The following CSMD3 variants were observed in gnomAD, a reference collection of about 807,000 sequenced individuals.
CSMD3 encodes the protein CUB and sushi domain-containing protein 3.
In CSMD3, 177 loss-of-function variants were observed where a neutral mutation model predicts 435.2. The observed-to-expected ratio is 0.41, with a 90% CI of 0.36 to 0.46. CSMD3 has a LOEUF of 0.46. Ranked by LOEUF, CSMD3 falls within the 20% of genes least tolerant of loss-of-function variation. CSMD3 has a pLI of 0.34. For missense variants in CSMD3, 4,265 were observed against 4,504.6 expected (o/e 0.95, Z 1.52); for synonymous variants, 1,656 against 1,520.5 (o/e 1.09, Z -2.07).
At chr8:112,821,018 G>GTA (rs2079515805) in intron 12 of CSMD3, among the ~76,000 whole-genome samples, 1 of 152,150 alleles carries the variant, frequency 6.6e-6, no homozygotes, top group Non-Finnish European at 1.5e-5. Flanking sequence ...ATTCCATGAT[G>GTA]TATATGTACC....
intron 25 of CSMD3, among the ~76,000 whole-genome samples, chr8:112,554,718 T>G (rs943708557): frequency 1.3e-5 from 2 of 151,952 alleles, no homozygotes; most frequent in Admixed American, 1.3e-4. Context: ...ATAAAACTTA[T>G]GTTTGCAGAA....
intron 7 of CSMD3, among the ~76,000 whole-genome samples, chr8:112,973,829 G>A (rs1031447003): frequency 4.6e-5 from 7 of 151,926 alleles, no homozygotes; most frequent in South Asian, 2.1e-4. Context: ...AGTTATTGAA[G>A]AAGAAACAGA....
intron 40 of CSMD3, among the ~76,000 whole-genome samples, chr8:112,346,938 T>C (rs753480395): frequency 3.3e-5 from 5 of 151,946 alleles, no homozygotes; most frequent in Non-Finnish European, 7.4e-5. Flanking sequence ...CCAGGCCTCC[T>C]ATCCTTTTCC....
chr8:113,410,874 C>A (rs1050308935), intron 1 of CSMD3, among the ~76,000 whole-genome samples: 1 of 133,560 alleles, frequency 7.5e-6, no homozygotes, highest in African/African-American at 2.9e-5. Flanking sequence ...TACTGTACTC[C>A]AGCCTTGTGA....
intron 1 of CSMD3, among the ~76,000 whole-genome samples, chr8:113,345,814 A>G (rs1176898770): frequency 6.6e-6 from 1 of 152,164 alleles, no homozygotes; most frequent in Non-Finnish European, 1.5e-5. Flanking sequence ...CATTGAGAGT[A>G]GTTGCCCAGG....
rs1016213305 is a variant in CSMD3 at position 112,917,166 on chromosome 8, C to T, written c.1633+4461G>A. Among the ~76,000 whole-genome samples, 21 of 151,892 alleles carry T rather than the reference C, an allele frequency of 1.4e-4. 1 individual carries two copies. Among genetic ancestry groups the T allele is most frequent in the African/African-American group, 4.8e-4 (20 of 41,410 alleles). ...TGGCAACAGCTGGAACAGATCCATT[C>T]AAAATTCGAACACTTTAGAGGCATT... On this transcript the variant is annotated intron_variant, in intron 10 of 70. Transcript: ENST00000297405.
intron 1 of CSMD3, among the ~76,000 whole-genome samples, chr8:113,369,506 T>C (rs1032373904): frequency 1.3e-5 from 2 of 151,932 alleles, no homozygotes; most frequent in African/African-American, 2.4e-5. Context: ...AGTTTCCTCA[T>C]AAAATTAAAA....
chr8:112,709,768 G>T (rs1465008539), intron 13 of CSMD3, among the ~76,000 whole-genome samples: 1 of 152,038 alleles, frequency 6.6e-6, no homozygotes, highest in Non-Finnish European at 1.5e-5. Context: ...AAGGGAAAGT[G>T]TAAGGGCAAG....
chr8:113,107,511 C>T (rs917442400), intron 4 of CSMD3, among the ~76,000 whole-genome samples: 1 of 152,204 alleles, frequency 6.6e-6, no homozygotes, highest in Non-Finnish European at 1.5e-5. Flanking sequence ...GTAGTTGACC[C>T]TGCAGAACCC....
Position 112,261,314 on chromosome 8 carries a change from T to C in CSMD3, c.9862+2325A>G, listed in dbSNP as rs145284684. Among the ~76,000 whole-genome samples the C allele has an allele frequency of 2.0e-5, 3 of 152,238 alleles. No homozygotes were observed. In the East Asian group the frequency reaches 5.8e-4, roughly 29 times the overall value. ...TTTTAAAATAGGTCTATAAAATACA[T>C]AACTTGCATTAAATTATAAAATGAC... On this transcript the variant is annotated intron_variant, in intron 61 of 70. Coordinates refer to ENST00000297405, the MANE Select transcript of CSMD3 (RefSeq NM_198123.2).
At chr8:112,957,887 A>G (rs2084086793) in intron 7 of CSMD3, among the ~76,000 whole-genome samples, 6 of 152,104 alleles carry the variant, frequency 3.9e-5, no homozygotes, top group Admixed American at 3.9e-4. Context: ...CTGGGGTTAC[A>G]AGCGCGCACC....
At chr8:112,434,074 G>A (rs1442531245) in intron 32 of CSMD3, among the ~76,000 whole-genome samples, 1 of 152,026 alleles carries the variant, frequency 6.6e-6, no homozygotes, top group Non-Finnish European at 1.5e-5. Context: ...AACAAACTTG[G>A]AGGTGTTTAC....
chr8:112,404,257 C>T (rs928257004), intron 35 of CSMD3, among the ~76,000 whole-genome samples: 2 of 152,036 alleles, frequency 1.3e-5, no homozygotes, highest in Non-Finnish European at 2.9e-5. Flanking sequence ...TGGCTGGGTG[C>T]GGTGGCTCGC....
At chr8:112,842,401 G>C (rs2080203269) in intron 11 of CSMD3, among the ~76,000 whole-genome samples, 1 of 151,828 alleles carries the variant, frequency 6.6e-6, no homozygotes, top group East Asian at 1.9e-4. Context: ...ATGTATGAGA[G>C]TGTGTGTTAT....
At chr8:112,628,431 T>G (rs1563785759) in intron 22 of CSMD3, among the ~76,000 whole-genome samples, 3 of 151,934 alleles carry the variant, frequency 2.0e-5, no homozygotes, top group Non-Finnish European at 4.4e-5. Context: ...GGTTTACTTA[T>G]TAGACTTGAG....
intron 4 of CSMD3, among the ~76,000 whole-genome samples, chr8:113,126,644 G>A (rs911317722): frequency 6.6e-6 from 1 of 151,826 alleles, no homozygotes; most frequent in African/African-American, 2.4e-5. Context: ...TTGGCCAAAG[G>A]ATAAAATAGG....
chr8:113,406,878 G>A (rs917803421), intron 1 of CSMD3, among the ~76,000 whole-genome samples: 6 of 152,036 alleles, frequency 3.9e-5, no homozygotes, highest in African/African-American at 1.4e-4. Flanking sequence ...AACTGCAAGT[G>A]TTTCAAAAAC....
intron 5 of CSMD3, among the ~76,000 whole-genome samples, chr8:113,065,070 C>A (rs565670308): frequency 5.9e-5 from 9 of 152,144 alleles, no homozygotes; most frequent in African/African-American, 2.2e-4. Flanking sequence ...ATATAGTTGA[C>A]AATATTGTTG....
intron 1 of CSMD3, among the ~76,000 whole-genome samples, chr8:113,325,579 G>A (rs989664996): frequency 2.0e-5 from 3 of 152,104 alleles, no homozygotes; most frequent in African/African-American, 4.8e-5. Context: ...TTATCAGCAG[G>A]ATGAAAACAG....
Sources: allele counts gnomAD v4.1 joint callset (sites outside exome capture counted in the v4.1 genomes callset), GRCh38; gene constraint gnomAD v4.1.1; transcripts MANE v1.5; gene names NCBI Gene and HGNC (gene_info 2026-07-23, HGNC 2026-07-21).